The following IPCEF1 variants were observed in gnomAD, a reference collection of about 807,000 sequenced individuals.
IPCEF1 encodes the protein interaction protein for cytohesin exchange factors 1, also known as interactor protein for cytohesin exchange factors 1.
IPCEF1 carries 31 observed loss-of-function variants against 50.9 expected under a neutral mutation model. That is an observed-to-expected ratio of 0.61 (90% CI 0.46 to 0.82). The LOEUF is 0.82. Ranked by LOEUF, IPCEF1 falls within the 40% of genes least tolerant of loss-of-function variation. The probability of loss-of-function intolerance (pLI) is 0.00; values close to 1 mark genes in which losing one functional copy is unlikely to be tolerated. For missense variants in IPCEF1, 458 were observed against 514.0 expected, an observed-to-expected ratio of 0.89 and a Z score of 1.05; for synonymous variants, 181 against 192.0, an observed-to-expected ratio of 0.94 and a Z score of 0.47.
chr6:154,299,538 C>A lies in IPCEF1; in HGVS notation c.-61-9782G>T, dbSNP rs768964544. Among the ~76,000 whole-genome samples the A allele has an allele frequency of 5.0e-5, 7 of 140,830 alleles. 2 individuals carry two copies. Among genetic ancestry groups the A allele is most frequent in the Non-Finnish European group, 1.1e-4 (7 of 62,840 alleles). 92.4% of individuals were successfully genotyped at this position (140,830 alleles called of 152,430 possible). A position where few individuals can be genotyped will look rare whatever the true frequency, so the allele number is the denominator to read the frequency against. ...GCATGCCCTCACTTATAAGTGGGAG[C>A]TGAACGATGAGAAAACATGGACACA... On this transcript the variant is annotated intron_variant, in intron 1 of 11. Transcript: ENST00000367220.
intron 1 of IPCEF1, among the ~76,000 whole-genome samples, chr6:154,302,176 A>G (rs1029992361): frequency 2.0e-5 from 3 of 152,218 alleles, no homozygotes; most frequent in Non-Finnish European, 2.9e-5. Context: ...TTTATCTGAC[A>G]GCTAGCTTCT....
At chr6:154,346,006 C>T (rs1035403536) in intron 1 of IPCEF1, among the ~76,000 whole-genome samples, 1 of 152,120 alleles carries the variant, frequency 6.6e-6, no homozygotes, top group African/African-American at 2.4e-5. Context: ...GCTGAAACCA[C>T]AGGCATGTGC....
intron 1 of IPCEF1, among the ~76,000 whole-genome samples, chr6:154,295,903 ACACACACG>A (rs1302063452): frequency 7.9e-5 from 2 of 25,170 alleles, no homozygotes; most frequent in Non-Finnish European, 6.3e-5. Context: ...GTACACACAC[ACACACACG>A]CACACACACA....
intron 5 of IPCEF1, among the ~76,000 whole-genome samples, chr6:154,239,321 A>T (rs548129217): frequency 2.6e-5 from 4 of 152,382 alleles, no homozygotes; most frequent in African/African-American, 7.2e-5. Context: ...TTAGAAATAC[A>T]TTCAAGGATC....
At position 154,282,219 on chromosome 6, in the gene IPCEF1, G is replaced by C. The variant is rs116254847; in HGVS notation, c.-18+7494C>G. Among the ~76,000 whole-genome samples, 1,461 of 152,226 alleles carry C rather than the reference G, an allele frequency of 9.6e-3. 19 individuals are homozygous for C. Among genetic ancestry groups the C allele is most frequent in the African/African-American group, 0.034 (1,401 of 41,542 alleles). On this transcript the variant is annotated intron_variant, in intron 2 of 11. Transcript: ENST00000367220. ...AAAATAAATGGTTTTGCAGGGTTCT[G>C]ATCTGACAAACACATTAACAGCTCT...
chr6:154,353,299 T>TC (rs1462533132), intron 1 of IPCEF1, among the ~76,000 whole-genome samples: 1 of 148,224 alleles, frequency 6.7e-6, no homozygotes, highest in Non-Finnish European at 1.5e-5. Flanking sequence ...TTTCCTTTTT[T>TC]TTTTTTTTTT....
intron 1 of IPCEF1, among the ~76,000 whole-genome samples, chr6:154,343,000 C>T (rs541129925): frequency 6.6e-6 from 1 of 152,250 alleles, no homozygotes; most frequent in South Asian, 2.1e-4. Flanking sequence ...CCTGTAGTCC[C>T]AGCTACTCAG....
intron 1 of IPCEF1, among the ~76,000 whole-genome samples, chr6:154,341,130 C>T (rs1297795215): frequency 1.3e-5 from 2 of 152,036 alleles, no homozygotes; most frequent in African/African-American, 4.8e-5. Context: ...TCAGCCTTTC[C>T]AAAGGAGGCC....
At chr6:154,272,931 G>A (rs1307966650) in intron 2 of IPCEF1, among the ~76,000 whole-genome samples, 1 of 152,104 alleles carries the variant, frequency 6.6e-6, no homozygotes, top group East Asian at 1.9e-4. Flanking sequence ...TGATGCAAAG[G>A]TAACTGTCCT....
At chr6:154,351,989 G>C (rs1465646714) in intron 1 of IPCEF1, among the ~76,000 whole-genome samples, 1 of 152,206 alleles carries the variant, frequency 6.6e-6, no homozygotes, top group African/African-American at 2.4e-5. Flanking sequence ...TGAGGGCCGG[G>C]GGAGAGGGAG....
chr6:154,302,659 G>A (rs1782827149), intron 1 of IPCEF1, among the ~76,000 whole-genome samples: 1 of 152,042 alleles, frequency 6.6e-6, no homozygotes. Context: ...ATTTTTTGTG[G>A]AGACAGGGCT....
At chr6:154,295,101 G>A (rs986775777) in intron 1 of IPCEF1, among the ~76,000 whole-genome samples, 1 of 152,090 alleles carries the variant, frequency 6.6e-6, no homozygotes, top group African/African-American at 2.4e-5. Flanking sequence ...GGGAAGCTGA[G>A]GCGGAAGAAT....
intron 1 of IPCEF1, among the ~76,000 whole-genome samples, chr6:154,311,650 A>G (rs1167258948): frequency 1.3e-5 from 2 of 152,220 alleles, no homozygotes; most frequent in East Asian, 3.8e-4. Flanking sequence ...ATAGTTCCCA[A>G]AAGAAGACAT....
At chr6:154,207,559 G>T (rs55790010) in intron 9 of IPCEF1, among the ~76,000 whole-genome samples, 85,543 of 151,146 alleles carry the variant, frequency 0.57, 24,534 homozygotes, top group East Asian at 0.69. Context: ...ACTTTTTGGG[G>T]TTTTTTTTGT....
At chr6:154,172,055 C>T (rs1027804507) in intron 10 of IPCEF1, among the ~76,000 whole-genome samples, 1 of 152,090 alleles carries the variant, frequency 6.6e-6, no homozygotes, top group Non-Finnish European at 1.5e-5. Context: ...CTACATTGTG[C>T]TACTAAAGAT....
intron 1 of IPCEF1, among the ~76,000 whole-genome samples, chr6:154,317,543 C>A (rs1783252687): frequency 1.4e-5 from 1 of 72,800 alleles, no homozygotes; most frequent in Non-Finnish European, 2.4e-5. Flanking sequence ...TGAGAGACTC[C>A]ATCTCAAAAA....
chr6:154,284,536 T>C (rs1348451932), intron 2 of IPCEF1, among the ~76,000 whole-genome samples: 1 of 152,144 alleles, frequency 6.6e-6, no homozygotes, highest in Non-Finnish European at 1.5e-5. Flanking sequence ...GAGAAGAGTA[T>C]GAGTGCCCCA....
At chr6:154,305,528 A>G (rs1345783279) in intron 1 of IPCEF1, among the ~76,000 whole-genome samples, 1 of 152,154 alleles carries the variant, frequency 6.6e-6, no homozygotes, top group African/African-American at 2.4e-5. Context: ...AAAAATCACT[A>G]ATAGTTCTCC....
intron 3 of IPCEF1, among the ~76,000 whole-genome samples, chr6:154,264,962 G>T (rs765804682): frequency 1.3e-5 from 2 of 152,042 alleles, no homozygotes; most frequent in Non-Finnish European, 1.5e-5. Context: ...TCCAGATTTG[G>T]CAGGAAGTCT....
Sources: allele counts gnomAD v4.1 joint callset (sites outside exome capture counted in the v4.1 genomes callset), GRCh38; gene constraint gnomAD v4.1.1; transcripts MANE v1.5; gene names NCBI Gene and HGNC (gene_info 2026-07-23, HGNC 2026-07-21).